PHEX: variants seen among roughly 807,000 people sequenced by gnomAD.
The protein encoded by PHEX is phosphate regulating endopeptidase X-linked, also known as phosphate-regulating neutral endopeptidase PHEX.
A neutral mutation model predicts 68.0 loss-of-function variants in PHEX; 16 were observed. The ratio of observed to expected loss-of-function variants is 0.24; its 90% CI spans 0.16 to 0.36. PHEX has a LOEUF of 0.36. Among genes scored for constraint, PHEX ranks in the 10% least tolerant of loss-of-function variants. The probability of loss-of-function intolerance (pLI) is 1.00; values close to 1 mark genes in which losing one functional copy is unlikely to be tolerated. For synonymous variants in PHEX, 208 were observed against 205.1 expected (o/e 1.01, Z -0.12); for missense variants, 480 against 575.5 (o/e 0.83, Z 1.70).
chrX:22,146,447 T>C (rs1932697980), intron 12 of PHEX, among the ~76,000 whole-genome samples: 1 of 112,339 alleles, frequency 8.9e-6, no homozygotes, highest in Admixed American at 9.5e-5. Context: ...TATAACCATG[T>C]CATACATTTT....
chrX:22,122,389 G>T (rs1931524420), intron 11 of PHEX, among the ~76,000 whole-genome samples: 2 of 110,804 alleles, frequency 1.8e-5, no homozygotes, highest in African/African-American at 6.6e-5. Flanking sequence ...TCCAAATTAA[G>T]GCAAACCATG....
intron 3 of PHEX, among the ~76,000 whole-genome samples, chrX:22,055,853 C>T (rs62589296): frequency 0.16 from 17,941 of 111,580 alleles, 1,084 homozygotes; most frequent in Admixed American, 0.2. Flanking sequence ...AGCCACCGCT[C>T]CCAGACAGGT....
chrX:22,249,455 A>AAAAAAATATATATATATAT lies in PHEX; in HGVS notation c.*1503_*1504insAAAAATATATATATATATA. The AAAAAAATATATATATATAT allele has an allele frequency of 3.3e-4, 13 of 39,758 alleles. No individual in the cohort carries two copies. Among genetic ancestry groups the AAAAAAATATATATATATAT allele is most frequent in the Non-Finnish European group, 3.7e-4 (9 of 24,468 alleles). The allele number at this position is 39,758 out of a possible 1,213,427, so 3.3% of individuals were successfully genotyped here. A position where few individuals can be genotyped will look rare whatever the true frequency, so the allele number is the denominator to read the frequency against. ...TTGTGATTCTTTTAAAAAAAAAAAA[A>AAAAAAATATATATATATAT]ATATATATATATATATATATATATA... On this transcript the variant is annotated 3_prime_UTR_variant, in exon 22 of 22. Coordinates refer to ENST00000379374, the MANE Select transcript of PHEX (RefSeq NM_000444.6).
rs1054866288 is a variant in PHEX, at chrX:22,050,535, CACTCCAG to C, written c.349+3325_349+3331del. ...GCAGTGAGCTGAGATTGCACCACTG[CACTCCAG>C]TCTGGGCGACAGAGTGAGACTTCAT... On this transcript the variant is annotated intron_variant, in intron 3 of 21. Coordinates refer to ENST00000379374, the MANE Select transcript of PHEX (RefSeq NM_000444.6). Among the ~76,000 whole-genome samples, 3 of 99,140 alleles carry C rather than the reference CACTCCAG, an allele frequency of 3.0e-5. No homozygotes were observed. In the South Asian group the frequency reaches 1.5e-3, roughly 50 times the overall value. The allele number at this position is 99,140 out of a possible 115,157, so 86.1% of individuals were successfully genotyped here.
chrX:22,219,610 GATTATT>G (rs759048384), intron 17 of PHEX, among the ~76,000 whole-genome samples: 40 of 100,022 alleles, frequency 4.0e-4, no homozygotes, highest in Middle Eastern at 5.3e-3. Context: ...CTTATATTCT[GATTATT>G]ATTATTATTA....
At chrX:22,200,863 C>G (rs564602533) in intron 15 of PHEX, among the ~76,000 whole-genome samples, 1 of 110,584 alleles carries the variant, frequency 9.0e-6, no homozygotes, top group African/African-American at 3.3e-5. Flanking sequence ...GATTTCATGT[C>G]CAAAAGGGTT....
intron 15 of PHEX, among the ~76,000 whole-genome samples, chrX:22,212,175 C>G (rs1934948799): frequency 8.9e-6 from 1 of 111,806 alleles, no homozygotes; most frequent in Admixed American, 9.5e-5. Flanking sequence ...ATGCCACTAC[C>G]TTCTTTTGGT....
At chrX:22,042,884 T>C (rs1249978107) in intron 2 of PHEX, among the ~76,000 whole-genome samples, 1 of 112,561 alleles carries the variant, frequency 8.9e-6, no homozygotes, top group Admixed American at 9.4e-5. Flanking sequence ...ATGCTGATTC[T>C]TAACCCCAAA....
At position 22,073,635 on chromosome X, in the gene PHEX, GTTTTTTTTT is replaced by G. The variant is rs1182752837; in HGVS notation, c.350-2734_350-2726del. Among the ~76,000 whole-genome samples the G allele has an allele frequency of 2.3e-3, 125 of 53,210 alleles. 1 individual carries two copies. The highest frequency in any genetic ancestry group is 0.014 in the Middle Eastern group (1 of 69). The allele number at this position is 53,210 out of a possible 115,157, so 46.2% of individuals were successfully genotyped here. A position where few individuals can be genotyped will look rare whatever the true frequency, so the allele number is the denominator to read the frequency against. ...AAAGTCTGAGGTTTGCTGTGCTATA[GTTTTTTTTT>G]TTTTTTTTTTTTTTTTTTGGAAACA... On this transcript the variant is annotated intron_variant, in intron 3 of 21. Coordinates refer to ENST00000379374, the MANE Select transcript of PHEX (RefSeq NM_000444.6).
intron 7 of PHEX, among the ~76,000 whole-genome samples, chrX:22,094,323 A>G: frequency 9.0e-6 from 1 of 111,439 alleles, no homozygotes; most frequent in African/African-American, 3.3e-5. Flanking sequence ...CATTCCTTCC[A>G]CCTCCCTGGT....
intron 8 of PHEX, chrX:22,098,110 T>A (rs867859928): frequency 1.3e-3 from 143 of 112,512 alleles, no homozygotes; most frequent in African/African-American, 3.5e-3. Flanking sequence ...TTTTTTTTTT[T>A]TTAAAAACTG....
At chrX:22,033,940 C>T (rs1048643118) in intron 1 of PHEX, among the ~76,000 whole-genome samples, 2 of 111,948 alleles carry the variant, frequency 1.8e-5, no homozygotes, top group Non-Finnish European at 3.8e-5. Flanking sequence ...CGAGGAGATT[C>T]TAGGTGCAGT....
intron 11 of PHEX, among the ~76,000 whole-genome samples, chrX:22,126,784 G>A (rs2147078393): frequency 9.2e-6 from 1 of 108,890 alleles, no homozygotes; most frequent in Non-Finnish European, 1.9e-5. Context: ...ACTGGTTGAG[G>A]AAGAGAACTA....
chrX:22,167,491 C>CTTTTTTTT (rs1164658740), intron 12 of PHEX, among the ~76,000 whole-genome samples: 22 of 84,083 alleles, frequency 2.6e-4, no homozygotes, highest in African/African-American at 9.9e-4. Context: ...TTTTTAATTT[C>CTTTTTTTT]TTTTTTTTTT....
intron 5 of PHEX, among the ~76,000 whole-genome samples, chrX:22,088,437 A>G (rs188238150): frequency 1.4e-4 from 16 of 111,656 alleles, no homozygotes; most frequent in African/African-American, 5.2e-4. Context: ...CCAGTAATAC[A>G]TGAGTGATCC....
At chrX:22,140,194 T>G (rs1280848226) in intron 12 of PHEX, among the ~76,000 whole-genome samples, 1 of 111,408 alleles carries the variant, frequency 9.0e-6, no homozygotes, top group Non-Finnish European at 1.9e-5. Flanking sequence ...TAATGTTCAT[T>G]AAGTGATTGT....
intron 7 of PHEX, among the ~76,000 whole-genome samples, chrX:22,094,826 A>G (rs1263526391): frequency 8.9e-6 from 1 of 112,167 alleles, no homozygotes; most frequent in East Asian, 2.8e-4. Context: ...GAGAACTCCT[A>G]AATGGTTAGC....
intron 18 of PHEX, among the ~76,000 whole-genome samples, chrX:22,222,463 G>A (rs756979836): frequency 3.6e-5 from 4 of 111,658 alleles, no homozygotes; most frequent in Non-Finnish European, 5.6e-5. Flanking sequence ...TCTGTGAAAC[G>A]GGTCAATGTT....
intron 9 of PHEX, 24 bp from the exon 10 acceptor site, chrX:22,111,443 A>G: frequency 9.0e-7 from 1 of 1,107,042 alleles, no homozygotes; most frequent in East Asian, 3.0e-5. Context: ...AATACAATAA[A>G]TGGGCATCTC....
Sources: allele counts gnomAD v4.1 joint callset (sites outside exome capture counted in the v4.1 genomes callset), GRCh38; gene constraint gnomAD v4.1.1; transcripts MANE v1.5; gene names NCBI Gene and HGNC (gene_info 2026-07-23, HGNC 2026-07-21).